The following SLIT2 variants were observed in gnomAD, a reference collection of about 807,000 sequenced individuals.
The protein encoded by SLIT2 is slit homolog 2 protein.
SLIT2 carries 41 observed loss-of-function variants against 185.7 expected under a neutral mutation model. That is an observed-to-expected ratio of 0.22 (90% CI 0.17 to 0.29). The LOEUF (loss-of-function observed/expected upper bound fraction) is 0.29. SLIT2 is among the 10% of genes least tolerant of loss of function. SLIT2 has a pLI of 1.00. For missense variants in SLIT2, 1,571 were observed against 1,909.0 expected (o/e 0.82, Z 3.30); for synonymous variants, 693 against 680.2 (o/e 1.02, Z -0.29).
chr4:20,509,508 C>T (rs934661287), intron 9 of SLIT2, among the ~76,000 whole-genome samples: 1 of 152,098 alleles, frequency 6.6e-6, no homozygotes, highest in African/African-American at 2.4e-5. Flanking sequence ...AACCTTTCAC[C>T]ACCCTCCCAG....
At chr4:20,269,947 T>C (rs1304865728) in intron 4 of SLIT2, among the ~76,000 whole-genome samples, 2 of 151,910 alleles carry the variant, frequency 1.3e-5, no homozygotes, top group Non-Finnish European at 1.5e-5. Flanking sequence ...CCAGCTGACA[T>C]ACCAGATCTC....
In SLIT2 at chr4:20,474,945, A is replaced by T. The variant is rs180721014; in HGVS notation, c.468-5771A>T. Reference sequence around the variant, plus strand: ...TTGCCAGTTCTATAGTGTCTATAGTATACTAGATACAGAAACTCTAGGACT... The same window carrying T: ...TTGCCAGTTCTATAGTGTCTATAGTTTACTAGATACAGAAACTCTAGGACT... On this transcript the variant is annotated intron_variant, in intron 5 of 36. Coordinates refer to ENST00000504154, the MANE Select transcript of SLIT2 (RefSeq NM_004787.4). Among the ~76,000 whole-genome samples, 133 of 151,988 alleles carry T rather than the reference A, an allele frequency of 8.8e-4. No homozygotes were observed. In the Middle Eastern group the frequency reaches 0.02, roughly 23 times the overall value.
rs563891278 is a variant in SLIT2 at position 20,585,193 on chromosome 4, A to G, written c.3089-4451A>G. Reference sequence around the variant, plus strand: ...TTGGTTACCAGCAATATTTATTACCAGTTACAGTAGATCATTTACTAACCT... The same window carrying G: ...TTGGTTACCAGCAATATTTATTACCGGTTACAGTAGATCATTTACTAACCT... On this transcript the variant is annotated intron_variant, in intron 29 of 36. Coordinates refer to ENST00000504154, the MANE Select transcript of SLIT2 (RefSeq NM_004787.4). Among the ~76,000 whole-genome samples, 16 of 152,358 alleles carry G rather than the reference A, an allele frequency of 1.1e-4. No individual in the cohort carries two copies. The East Asian group carries it at 2.9e-3, about 28-fold the overall frequency.
intron 28 of SLIT2, among the ~76,000 whole-genome samples, chr4:20,568,329 A>G (rs1241649559): frequency 6.6e-6 from 1 of 152,144 alleles, no homozygotes; most frequent in African/African-American, 2.4e-5. Flanking sequence ...AGATAGTTTT[A>G]TGCCAGAGGA....
chr4:20,290,939 T>C (rs752420880), intron 4 of SLIT2, among the ~76,000 whole-genome samples: 2 of 152,100 alleles, frequency 1.3e-5, no homozygotes, highest in African/African-American at 4.8e-5. Context: ...CTTTTAGGGC[T>C]AAGCTTAAAA....
chr4:20,413,580 A>G (rs1328511505), intron 4 of SLIT2, among the ~76,000 whole-genome samples: 1 of 151,842 alleles, frequency 6.6e-6, no homozygotes, highest in Non-Finnish European at 1.5e-5. Context: ...TTTATCTCTC[A>G]TTTCAAGTGT....
intron 4 of SLIT2, among the ~76,000 whole-genome samples, chr4:20,399,853 G>A (rs1224220870): frequency 6.6e-6 from 1 of 151,752 alleles, no homozygotes; most frequent in Non-Finnish European, 1.5e-5. Context: ...ACCTGAGAGG[G>A]ATAAGTTCCA....
intron 24 of SLIT2, among the ~76,000 whole-genome samples, chr4:20,549,736 T>G (rs1426437663): frequency 6.6e-6 from 1 of 151,616 alleles, no homozygotes; most frequent in African/African-American, 2.4e-5. Flanking sequence ...GTCTATCATA[T>G]ATATGAATAA....
At chr4:20,587,873 C>T (rs1321511720) in intron 29 of SLIT2, among the ~76,000 whole-genome samples, 1 of 152,142 alleles carries the variant, frequency 6.6e-6, no homozygotes, top group Non-Finnish European at 1.5e-5. Flanking sequence ...AATTTTAAAA[C>T]AGTTTCTTAT....
intron 4 of SLIT2, among the ~76,000 whole-genome samples, chr4:20,458,419 G>T (rs2148725335): frequency 6.6e-6 from 1 of 152,256 alleles, no homozygotes; most frequent in East Asian, 1.9e-4. Flanking sequence ...GAGTTCCAGT[G>T]GGTTACCAAC....
intron 4 of SLIT2, among the ~76,000 whole-genome samples, chr4:20,406,963 T>C (rs1726823214): frequency 6.6e-6 from 1 of 152,066 alleles, no homozygotes; most frequent in African/African-American, 2.4e-5. Context: ...AACAATGGAT[T>C]ATCATATAAC....
At chr4:20,562,032 G>A (rs1032220737) in intron 26 of SLIT2, among the ~76,000 whole-genome samples, 2 of 151,694 alleles carry the variant, frequency 1.3e-5, no homozygotes, top group African/African-American at 4.8e-5. Flanking sequence ...TGTAGGTGTT[G>A]CGAATGGCCA....
chr4:20,468,250 G>A (rs1300148754), intron 5 of SLIT2, among the ~76,000 whole-genome samples: 1 of 152,058 alleles, frequency 6.6e-6, no homozygotes, highest in African/African-American at 2.4e-5. Flanking sequence ...AGTGCTATGA[G>A]AATATGGACT....
intron 4 of SLIT2, among the ~76,000 whole-genome samples, chr4:20,387,488 G>A (rs375469635): frequency 3.9e-5 from 6 of 151,988 alleles, no homozygotes; most frequent in Non-Finnish European, 7.4e-5. Flanking sequence ...CTAGATTTTC[G>A]TATCAGCTTC....
chr4:20,567,514 C>T lies in SLIT2; in HGVS notation c.2851-4C>T, dbSNP rs755888908. 6.2e-7 allele frequency: 1 copy of T among 1,611,880 alleles called. No individual in the cohort carries two copies. Among genetic ancestry groups the T allele is most frequent in the South Asian group, 1.1e-5 (1 of 91,030 alleles). The stretch of plus-strand genomic sequence containing the variant: ...CTCGACTATACTTGCCCCTTCTTCT[C>T]CAGGGGCAGGACTGTGATGTCCCAA... On this transcript the variant is annotated splice_region_variant and splice_polypyrimidine_tract_variant and intron_variant, in intron 27 of 36. Coordinates refer to ENST00000504154, the MANE Select transcript of SLIT2 (RefSeq NM_004787.4).
chr4:20,519,451 C>T lies in SLIT2; in HGVS notation c.1128C>T (p.Leu376=). The T allele has an allele frequency of 6.5e-7, 1 of 1,545,710 alleles. No individual in the cohort carries two copies. Among genetic ancestry groups the T allele is most frequent in the Non-Finnish European group, 8.9e-7 (1 of 1,119,356 alleles). ...TTGAAGGACTGTTTTCCTTACAGCTCCTGTAAGTATTTGATTGTTTTGGAT... is the reference window on the plus strand; with the variant it reads ...TTGAAGGACTGTTTTCCTTACAGCTTCTGTAAGTATTTGATTGTTTTGGAT... The part of the protein sequence containing the change: ...SLFEGLFSLQ[L]LLLNANKINC... Residue 376 remains leucine, a splice_region_variant and synonymous_variant, in exon 12 of 37, where the codon CTC becomes CTT. Coordinates refer to ENST00000504154, the MANE Select transcript of SLIT2 (RefSeq NM_004787.4).
intron 4 of SLIT2, among the ~76,000 whole-genome samples, chr4:20,332,899 C>T (rs950975866): frequency 6.6e-6 from 1 of 151,792 alleles, no homozygotes; most frequent in African/African-American, 2.4e-5. Context: ...ATTTTAGGGG[C>T]AGAAAAGGGA....
chr4:20,515,130 C>T (rs917637899), intron 11 of SLIT2, among the ~76,000 whole-genome samples: 14 of 152,138 alleles, frequency 9.2e-5, no homozygotes, highest in African/African-American at 3.1e-4. Flanking sequence ...TGTTCAAATC[C>T]TGGCTCTAGT....
At chr4:20,426,232 A>G (rs1577635305) in intron 4 of SLIT2, among the ~76,000 whole-genome samples, 1 of 152,196 alleles carries the variant, frequency 6.6e-6, no homozygotes, top group South Asian at 2.1e-4. Context: ...AGGAAAGGAT[A>G]TCACCAGGAC....
Sources: allele counts gnomAD v4.1 joint callset (sites outside exome capture counted in the v4.1 genomes callset), GRCh38; gene constraint gnomAD v4.1.1; transcripts MANE v1.5; gene names NCBI Gene and HGNC (gene_info 2026-07-23, HGNC 2026-07-21).